GALNTL6: variants seen among roughly 807,000 people sequenced by gnomAD.
GALNTL6 encodes polypeptide N-acetylgalactosaminyltransferase like 6, also known as polypeptide N-acetylgalactosaminyltransferase-like 6.
Under a neutral mutation model 73.7 loss-of-function variants are expected in GALNTL6, and 46 were observed. That is an observed-to-expected ratio of 0.62 (90% CI 0.49 to 0.80). The LOEUF is 0.80. Ranked by LOEUF, GALNTL6 falls within the 30% of genes least tolerant of loss-of-function variation. The pLI is 0.00. For synonymous variants in GALNTL6, 259 were observed against 263.7 expected, an observed-to-expected ratio of 0.98 and a Z score of 0.17; for missense variants, 604 against 755.0, an observed-to-expected ratio of 0.80 and a Z score of 2.34.
intron 2 of GALNTL6, among the ~76,000 whole-genome samples, chr4:171,899,779 A>T (rs1399826264): frequency 1.3e-5 from 2 of 152,186 alleles, no homozygotes; most frequent in Non-Finnish European, 2.9e-5. Context: ...AAATATGGAG[A>T]ATTCGTGCTA....
intron 5 of GALNTL6, among the ~76,000 whole-genome samples, chr4:172,679,622 T>C (rs913571378): frequency 3.3e-5 from 5 of 152,196 alleles, no homozygotes; most frequent in African/African-American, 9.6e-5. Flanking sequence ...CTGACTTGTT[T>C]GCTGCTGTTA....
At chr4:172,632,263 A>C (rs192919221) in intron 5 of GALNTL6, among the ~76,000 whole-genome samples, 1 of 152,366 alleles carries the variant, frequency 6.6e-6, no homozygotes, top group Non-Finnish European at 1.5e-5. Flanking sequence ...GGAACTGGGT[A>C]ACAGGCAGAG....
At chr4:172,286,329 G>A (rs1739247907) in intron 3 of GALNTL6, among the ~76,000 whole-genome samples, 1 of 152,126 alleles carries the variant, frequency 6.6e-6, no homozygotes, top group Non-Finnish European at 1.5e-5. Context: ...TTATCCATGT[G>A]TGATGATGTT....
intron 5 of GALNTL6, among the ~76,000 whole-genome samples, chr4:172,465,204 G>A (rs1042830336): frequency 5.3e-5 from 8 of 152,256 alleles, no homozygotes; most frequent in Non-Finnish European, 1.0e-4. Flanking sequence ...CTGGCAGCGC[G>A]CGGTGGCTCA....
At chr4:172,443,115 CATATACATATATATATATATATATAT>C (rs1447426080) in intron 5 of GALNTL6, among the ~76,000 whole-genome samples, 1 of 72,678 alleles carries the variant, frequency 1.4e-5, no homozygotes, top group Non-Finnish European at 2.7e-5. Flanking sequence ...AGTAATGATC[CATATACATATATATATATATATATAT>C]ATATATATAT....
chr4:172,904,828 T>A (rs777612123), intron 8 of GALNTL6, among the ~76,000 whole-genome samples: 1 of 152,132 alleles, frequency 6.6e-6, no homozygotes, highest in Non-Finnish European at 1.5e-5. Flanking sequence ...CAAAAAACAA[T>A]GTTCCTGGAG....
chr4:172,325,404 G>T (rs1740907020), intron 4 of GALNTL6, among the ~76,000 whole-genome samples: 1 of 151,922 alleles, frequency 6.6e-6, no homozygotes, highest in Admixed American at 6.6e-5. Context: ...CATTCTCATT[G>T]AACTCAAATG....
At chr4:172,711,254 C>T (rs1362755444) in intron 5 of GALNTL6, among the ~76,000 whole-genome samples, 1 of 152,084 alleles carries the variant, frequency 6.6e-6, no homozygotes, top group Non-Finnish European at 1.5e-5. Context: ...GCATTCCAGG[C>T]AGATGGAACG....
intron 2 of GALNTL6, among the ~76,000 whole-genome samples, chr4:172,150,531 C>T (rs1480414408): frequency 6.6e-6 from 1 of 152,158 alleles, no homozygotes; most frequent in Non-Finnish European, 1.5e-5. Flanking sequence ...TTCTTTTAGC[C>T]AAGTCCCCTT....
chr4:173,021,388 A>C, intron 11 of GALNTL6, 88 bp from the exon 12 acceptor site: 1 of 1,347,594 alleles, frequency 7.4e-7, no homozygotes. Flanking sequence ...GGAGTTCTAC[A>C]TTGCTAAAAG....
intron 5 of GALNTL6, among the ~76,000 whole-genome samples, chr4:172,706,955 T>A (rs991736663): frequency 6.6e-6 from 1 of 152,186 alleles, no homozygotes; most frequent in African/African-American, 2.4e-5. Flanking sequence ...TCAACCTACA[T>A]GCACTTGCAG....
chr4:172,053,234 T>C (rs1227142656), intron 2 of GALNTL6, among the ~76,000 whole-genome samples: 4 of 152,188 alleles, frequency 2.6e-5, no homozygotes, highest in Non-Finnish European at 5.9e-5. Context: ...TCATATTTTA[T>C]GTGAAAAGCT....
intron 3 of GALNTL6, among the ~76,000 whole-genome samples, chr4:172,253,783 A>G (rs916016994): frequency 2.6e-5 from 4 of 151,966 alleles, no homozygotes; most frequent in Admixed American, 2.0e-4. Context: ...CATAGTTATC[A>G]ATGAAATACA....
intron 10 of GALNTL6, among the ~76,000 whole-genome samples, chr4:172,964,432 C>T (rs1286256945): frequency 2.0e-5 from 3 of 152,158 alleles, no homozygotes; most frequent in African/African-American, 7.2e-5. Flanking sequence ...CCTCAATGTG[C>T]CAATCTGGGT....
chr4:172,885,866 T>C (rs1346025374), intron 8 of GALNTL6, among the ~76,000 whole-genome samples: 2 of 152,212 alleles, frequency 1.3e-5, no homozygotes, highest in East Asian at 3.8e-4. Context: ...ACTTATTGAT[T>C]TGTATACGTT....
Position 172,868,661 on chromosome 4 carries a change from A to C in GALNTL6, c.924-14129A>C, listed in dbSNP as rs1035856050. On this transcript the variant is annotated intron_variant, in intron 7 of 12. Transcript: ENST00000506823. ...CCAAGCTGGGAATCAGCCAATCTGC[A>C]TTAGGACCTGTCTCTGAAACTCCTA... Among the ~76,000 whole-genome samples, 4 of 152,238 alleles carry C rather than the reference A, an allele frequency of 2.6e-5. No individual in the cohort carries two copies. In the East Asian group the frequency reaches 7.7e-4, roughly 29 times the overall value.
intron 5 of GALNTL6, among the ~76,000 whole-genome samples, chr4:172,653,830 G>A (rs557122073): frequency 6.6e-6 from 1 of 152,278 alleles, no homozygotes; most frequent in South Asian, 2.1e-4. Flanking sequence ...TAGACCATGT[G>A]CTTTTTGAGG....
At chr4:172,725,293 G>A (rs920149480) in intron 5 of GALNTL6, among the ~76,000 whole-genome samples, 1 of 152,118 alleles carries the variant, frequency 6.6e-6, no homozygotes. Context: ...CTAGTACTAA[G>A]TATTTTGGCT....
intron 6 of GALNTL6, among the ~76,000 whole-genome samples, chr4:172,811,550 A>G (rs553800589): frequency 6.6e-6 from 1 of 152,344 alleles, no homozygotes; most frequent in Admixed American, 6.5e-5. Context: ...AATACCATTC[A>G]GTAAAATATT....
Sources: allele counts gnomAD v4.1 joint callset (sites outside exome capture counted in the v4.1 genomes callset), GRCh38; gene constraint gnomAD v4.1.1; transcripts MANE v1.5; gene names NCBI Gene and HGNC (gene_info 2026-07-23, HGNC 2026-07-21).